Variants in KCNIP4 observed in about 807,000 individuals in gnomAD.
KCNIP4 encodes Kv channel-interacting protein 4.
A neutral mutation model predicts 34.0 loss-of-function variants in KCNIP4; 12 were observed. The ratio of observed to expected loss-of-function variants is 0.35; its 90% CI spans 0.23 to 0.57. KCNIP4 has a LOEUF of 0.57. Among genes scored for constraint, KCNIP4 ranks in the 20% least tolerant of loss-of-function variants. The pLI is 0.83. For synonymous variants in KCNIP4, 124 were observed against 102.2 expected, an observed-to-expected ratio of 1.21 and a Z score of -1.29; for missense variants, 238 against 311.7, an observed-to-expected ratio of 0.76 and a Z score of 1.78.
At chr4:20,881,021 A>G (rs1724623633) in intron 2 of KCNIP4, among the ~76,000 whole-genome samples, 1 of 152,218 alleles carries the variant, frequency 6.6e-6, no homozygotes, top group Non-Finnish European at 1.5e-5. Flanking sequence ...CACAGAATAT[A>G]ATGTAAGCTC....
intron 1 of KCNIP4, among the ~76,000 whole-genome samples, chr4:21,713,669 C>T (rs1713921589): frequency 6.6e-6 from 1 of 152,160 alleles, no homozygotes; most frequent in Non-Finnish European, 1.5e-5. Context: ...ACTACAGTCA[C>T]CTTACTCTGC....
chr4:21,352,758 C>T (rs1718148224), intron 1 of KCNIP4, among the ~76,000 whole-genome samples: 1 of 152,224 alleles, frequency 6.6e-6, no homozygotes, highest in Non-Finnish European at 1.5e-5. Context: ...CGTCTGACAG[C>T]TCTGAAGAGA....
At position 21,921,196 on chromosome 4, in the gene KCNIP4, G is replaced by A. The variant is rs190663652; in HGVS notation, c.61+27375C>T. ...CAGTAGCATTTGACTCAGCTGTCAC[G>A]CCTTCCTTCTTGGTTTCCATGACAT... is the stretch of plus-strand genomic sequence containing the variant. On this transcript the variant is annotated intron_variant, in intron 1 of 8. Transcript: ENST00000382152. Among the ~76,000 whole-genome samples the A allele has an allele frequency of 1.4e-4, 21 of 151,848 alleles. No homozygotes were observed. The East Asian group carries it at 3.9e-3, about 28-fold the overall frequency.
intron 1 of KCNIP4, among the ~76,000 whole-genome samples, chr4:21,353,860 G>T (rs1167347156): frequency 6.6e-6 from 1 of 152,148 alleles, no homozygotes; most frequent in African/African-American, 2.4e-5. Flanking sequence ...ATTCACCAAG[G>T]TTGAAATGAA....
At chr4:20,943,750 C>G (rs527672087) in intron 1 of KCNIP4, among the ~76,000 whole-genome samples, 30 of 152,072 alleles carry the variant, frequency 2.0e-4, no homozygotes, top group Non-Finnish European at 3.8e-4. Flanking sequence ...AGTATTGAGA[C>G]TATATAAGAA....
chr4:21,324,038 T>A (rs1028142058), intron 1 of KCNIP4, among the ~76,000 whole-genome samples: 1 of 152,066 alleles, frequency 6.6e-6, no homozygotes, highest in Non-Finnish European at 1.5e-5. Context: ...TTGGCAACTA[T>A]ACCTTTTCTT....
chr4:21,271,927 A>G (rs984975254), intron 1 of KCNIP4, among the ~76,000 whole-genome samples: 4 of 152,206 alleles, frequency 2.6e-5, no homozygotes, highest in African/African-American at 9.6e-5. Flanking sequence ...TGCATTCAGA[A>G]AGAATTTATG....
At chr4:21,386,987 C>T (rs1056799375) in intron 1 of KCNIP4, among the ~76,000 whole-genome samples, 1 of 152,176 alleles carries the variant, frequency 6.6e-6, no homozygotes, top group African/African-American at 2.4e-5. Context: ...CACCAGAGAG[C>T]GATAACTTCA....
rs1038759006 is a variant in KCNIP4 at position 21,459,573 on chromosome 4, C to T, written c.61+488998G>A. ...CCTCTTAGGACCTCTCTCCTGCCCTCCAGACTCATACATCCAATTGCCTGC... is the reference window on the plus strand; with the variant it reads ...CCTCTTAGGACCTCTCTCCTGCCCTTCAGACTCATACATCCAATTGCCTGC... On this transcript the variant is annotated intron_variant, in intron 1 of 8. Coordinates refer to ENST00000382152, the MANE Select transcript of KCNIP4 (RefSeq NM_025221.6). Among the ~76,000 whole-genome samples the T allele has an allele frequency of 2.6e-5, 4 of 152,112 alleles. No homozygotes were observed. In the East Asian group the frequency reaches 7.8e-4, roughly 30 times the overall value.
intron 1 of KCNIP4, among the ~76,000 whole-genome samples, chr4:21,291,895 GAAA>G: frequency 2.9e-5 from 1 of 34,584 alleles, no homozygotes; most frequent in Non-Finnish European, 4.9e-5. Flanking sequence ...AAGAAAGAAA[GAAA>G]GAAAGAAAGA....
At chr4:20,902,395 C>G (rs1727246619) in intron 1 of KCNIP4, among the ~76,000 whole-genome samples, 1 of 152,144 alleles carries the variant, frequency 6.6e-6, no homozygotes, top group East Asian at 1.9e-4. Flanking sequence ...CAGCTGAAAA[C>G]AAGGAGCCAC....
chr4:20,783,529 A>T (rs1040513256), intron 3 of KCNIP4, among the ~76,000 whole-genome samples: 4 of 152,160 alleles, frequency 2.6e-5, no homozygotes, highest in Admixed American at 2.6e-4. Flanking sequence ...CCCTGATAAA[A>T]CTGTCAGATC....
intron 1 of KCNIP4, among the ~76,000 whole-genome samples, chr4:21,049,299 G>A (rs1415517326): frequency 6.6e-6 from 1 of 152,124 alleles, no homozygotes; most frequent in Non-Finnish European, 1.5e-5. Context: ...GCAGAGCAGA[G>A]ATACATAGTT....
At chr4:21,532,163 C>A (rs1361491020) in intron 1 of KCNIP4, among the ~76,000 whole-genome samples, 3 of 152,042 alleles carry the variant, frequency 2.0e-5, no homozygotes, top group African/African-American at 4.8e-5. Flanking sequence ...TATATAAATG[C>A]AGAGATATAA....
intron 1 of KCNIP4, among the ~76,000 whole-genome samples, chr4:21,242,418 A>G (rs1430240958): frequency 6.6e-6 from 1 of 152,168 alleles, no homozygotes; most frequent in Non-Finnish European, 1.5e-5. Flanking sequence ...AAGGATAATA[A>G]TAGTCATGGT....
At chr4:21,072,546 T>C (rs532743774) in intron 1 of KCNIP4, among the ~76,000 whole-genome samples, 23 of 152,194 alleles carry the variant, frequency 1.5e-4, no homozygotes, top group African/African-American at 3.4e-4. Context: ...TGGATATTAG[T>C]CCTTTGTCAG....
At chr4:21,772,633 T>G (rs775249808) in intron 1 of KCNIP4, among the ~76,000 whole-genome samples, 1 of 152,176 alleles carries the variant, frequency 6.6e-6, no homozygotes, top group Non-Finnish European at 1.5e-5. Flanking sequence ...TTCAACTGCT[T>G]CCTGGTTTAG....
chr4:21,679,928 G>T (rs1039709323), intron 1 of KCNIP4, among the ~76,000 whole-genome samples: 1 of 152,208 alleles, frequency 6.6e-6, no homozygotes, highest in South Asian at 2.1e-4. Flanking sequence ...CTCATGGAGG[G>T]TCTTGCCTCT....
At chr4:21,864,209 C>A (rs954627570) in intron 1 of KCNIP4, among the ~76,000 whole-genome samples, 1 of 152,166 alleles carries the variant, frequency 6.6e-6, no homozygotes, top group African/African-American at 2.4e-5. Flanking sequence ...ATTTTTGCTG[C>A]GTCTTAGTTA....
Sources: allele counts gnomAD v4.1 joint callset (sites outside exome capture counted in the v4.1 genomes callset), GRCh38; gene constraint gnomAD v4.1.1; transcripts MANE v1.5; gene names NCBI Gene and HGNC (gene_info 2026-07-23, HGNC 2026-07-21).